KIAA1755: variants seen among roughly 807,000 people sequenced by gnomAD.
KIAA1755 encodes the protein uncharacterized protein KIAA1755.
In KIAA1755, 68 loss-of-function variants were observed where a neutral mutation model predicts 91.7. The ratio of observed to expected loss-of-function variants is 0.74; its 90% CI spans 0.61 to 0.91. KIAA1755 has a LOEUF of 0.91. KIAA1755 is among the 40% of genes least tolerant of loss of function. The pLI, the probability that KIAA1755 is intolerant of heterozygous loss-of-function variation, is 0.00. For synonymous variants in KIAA1755, 610 were observed against 604.6 expected (o/e 1.01, Z -0.13); for missense variants, 1,535 against 1,494.4 (o/e 1.03, Z -0.45).
intron 5 of KIAA1755, among the ~76,000 whole-genome samples, chr20:38,228,901 C>T (rs1459525066): frequency 6.6e-6 from 1 of 152,206 alleles, no homozygotes; most frequent in African/African-American, 2.4e-5. Flanking sequence ...AGCCACATTG[C>T]ACTGAGCTTA....
At chr20:38,233,207 TGAA>T (rs1202181122) in intron 4 of KIAA1755, 3 of 152,336 alleles carry the variant, frequency 2.0e-5, no homozygotes, top group Admixed American at 6.5e-5. Context: ...TGATAGAATA[TGAA>T]GATTTGTAAT....
intron 1 of KIAA1755, among the ~76,000 whole-genome samples, chr20:38,250,398 T>G (rs2076225969): frequency 6.6e-6 from 1 of 152,056 alleles, no homozygotes; most frequent in Non-Finnish European, 1.5e-5. Flanking sequence ...GCGAATTCTC[T>G]GCACAGGACT....
Position 38,241,633 on chromosome 20 carries a change from C to T in KIAA1755, c.498G>A (p.Leu166=). ...DFEGNPLHNC[L]VASENGIAPV... ...GGGCAATCCCATTTTCTGATGCTAC[C>T]AAGCAGTTGTGTAGGGGATTTCCCT... Residue 166 remains leucine, a synonymous_variant, in exon 3 of 14, where the codon TTG becomes TTA. Coordinates refer to ENST00000279024, the MANE Select transcript of KIAA1755 (RefSeq NM_001029864.2). 1 of 1,614,244 alleles carries T rather than the reference C, an allele frequency of 6.2e-7. No individual in the cohort carries two copies. Among genetic ancestry groups the T allele is most frequent in the East Asian group, 2.2e-5 (1 of 44,892 alleles).
chr20:38,217,997 G>A, intron 12 of KIAA1755: 1 of 551,326 alleles, frequency 1.8e-6, no homozygotes. Flanking sequence ...CTAGGATGGG[G>A]CCCTGGAAAC....
intron 2 of KIAA1755, 22 bp from the exon 3 acceptor site, chr20:38,241,951 A>G: frequency 6.3e-7 from 1 of 1,596,128 alleles, no homozygotes. Context: ...AGGGGATGGC[A>G]TCAGAGAACC....
intron 4 of KIAA1755, among the ~76,000 whole-genome samples, chr20:38,232,428 C>T (rs1285098977): frequency 6.6e-6 from 1 of 151,826 alleles, no homozygotes; most frequent in Admixed American, 6.6e-5. Flanking sequence ...AGATCGACAC[C>T]ATCCTGGCTA....
At position 38,241,106 on chromosome 20, in the gene KIAA1755, C is replaced by T; in HGVS notation, c.1025G>A (p.Ser342Asn). Residue 342 changes from serine to asparagine, a missense_variant, in exon 3 of 14, where the codon AGC becomes AAC. Coordinates refer to ENST00000279024, the MANE Select transcript of KIAA1755 (RefSeq NM_001029864.2). ...CAAATTATAGGGCCTCTCCTCAGAGCTTTCTGGCTTTGTGCAAGCCCGATT... is the reference window on the plus strand; with the variant it reads ...CAAATTATAGGGCCTCTCCTCAGAGTTTTCTGGCTTTGTGCAAGCCCGATT... ...LGNRACTKPE[S>N]SEERPYNLGF... 6.2e-7 allele frequency: 1 copy of T among 1,614,132 alleles called. No individual in the cohort carries two copies. Among genetic ancestry groups the T allele is most frequent in the Non-Finnish European group, 8.5e-7 (1 of 1,179,998 alleles).
At chr20:38,245,624 C>T (rs1035529451) in intron 2 of KIAA1755, among the ~76,000 whole-genome samples, 1 of 152,220 alleles carries the variant, frequency 6.6e-6, no homozygotes, top group African/African-American at 2.4e-5. Flanking sequence ...GCAGTGCCCA[C>T]AATGTCAGGC....
At position 38,222,497 on chromosome 20, in the gene KIAA1755, G is replaced by C. The variant is rs1478648311; in HGVS notation, c.2369C>G (p.Ala790Gly). The C allele has an allele frequency of 6.2e-7, 1 of 1,613,632 alleles. No individual in the cohort carries two copies. The highest frequency in any genetic ancestry group is 1.1e-5 in the South Asian group (1 of 91,078). The change falls in exon 10 of 14, where the codon GCC becomes GGC. Residue 790 changes from alanine to glycine, a missense_variant. By Grantham distance (60) the Ala-to-Gly change is moderately conservative. Coordinates refer to ENST00000279024, the MANE Select transcript of KIAA1755 (RefSeq NM_001029864.2). ...GLQREGGATLARLQHDASRLD... is the reference protein window; with the variant it reads ...GLQREGGATLGRLQHDASRLD... ...CCTGCTGGCATCATGCTGCAGCCTG[G>C]CCAGGGTGGCTCCACCTTCCCGCTG...
At chr20:38,214,752 C>A (rs1041785959) in intron 13 of KIAA1755, among the ~76,000 whole-genome samples, 1 of 152,216 alleles carries the variant, frequency 6.6e-6, no homozygotes, top group Non-Finnish European at 1.5e-5. Context: ...TTCTGTCTGT[C>A]CCCGCTTCCC....
rs2075449023 is a variant in KIAA1755 at position 38,211,338 on chromosome 20, G to C, written c.*1704C>G. 6.6e-6 allele frequency: 1 copy of C among 152,308 alleles called. No individual in the cohort carries two copies. Among genetic ancestry groups the C allele is most frequent in the Non-Finnish European group, 1.5e-5 (1 of 68,124 alleles). 9.4% of individuals were successfully genotyped at this position (152,308 alleles called of 1,614,324 possible). A position where few individuals can be genotyped will look rare whatever the true frequency, so the allele number is the denominator to read the frequency against. ...ACCTGTGCCCCACAGCCTCTTTCTGGAGCCAGGAAAATTCAGAGCTAGGTG... is the reference window on the plus strand; with the variant it reads ...ACCTGTGCCCCACAGCCTCTTTCTGCAGCCAGGAAAATTCAGAGCTAGGTG... On this transcript the variant is annotated 3_prime_UTR_variant, in exon 14 of 14. Coordinates refer to ENST00000279024, the MANE Select transcript of KIAA1755 (RefSeq NM_001029864.2).
chr20:38,231,343 C>T lies in KIAA1755; in HGVS notation c.1748-18G>A. The T allele has an allele frequency of 6.3e-7, 1 of 1,598,124 alleles. No individual in the cohort carries two copies. The highest frequency in any genetic ancestry group is 8.5e-7 in the Non-Finnish European group (1 of 1,174,030). On this transcript the variant is annotated intron_variant, in intron 4 of 13. Coordinates refer to ENST00000279024, the MANE Select transcript of KIAA1755 (RefSeq NM_001029864.2). Reference sequence around the variant, plus strand: ...CCGGCCACCTGGAGGACAGAGGGCACACGTGAGCAGTGAGAACTTGTGGGG... The same window carrying T: ...CCGGCCACCTGGAGGACAGAGGGCATACGTGAGCAGTGAGAACTTGTGGGG...
intron 2 of KIAA1755, among the ~76,000 whole-genome samples, chr20:38,243,312 A>C (rs1383720095): frequency 6.6e-6 from 1 of 152,190 alleles, no homozygotes; most frequent in Non-Finnish European, 1.5e-5. Context: ...CATTTATATC[A>C]GTCATATTGT....
rs768984514 is a variant in KIAA1755, at chr20:38,213,121, C to T, written c.3524G>A (p.Gly1175Asp). ...RQSQVPRLTG[G>D]SFSSEGTDSQ... ...GTCTGTCCCCTCTGAGGAGAAGCTG[C>T]CCCCAGTGAGGCGAGGGACCTGGCT... The change falls in exon 14 of 14, where the codon GGC (glycine) becomes GAC (aspartate). Residue 1175 changes from glycine to aspartate, a missense_variant. By Grantham distance (94) the Gly-to-Asp change is moderately conservative. Transcript: ENST00000279024. 10 of 1,607,464 alleles carry T rather than the reference C, an allele frequency of 6.2e-6. No homozygotes were observed. In the South Asian group the frequency reaches 8.9e-5, roughly 14 times the overall value.
At position 38,218,266 on chromosome 20, in the gene KIAA1755, T is replaced by C. The variant is rs775784287; in HGVS notation, c.2657A>G (p.Glu886Gly). ...CACTGCAGCCTGGAGGAAGAAGTTCTCAAATTCTGCGTGGGCTTTCTCCAC... is the reference window on the plus strand; with the variant it reads ...CACTGCAGCCTGGAGGAAGAAGTTCCCAAATTCTGCGTGGGCTTTCTCCAC... ...ETVEKAHAEFENFFLQAAAQY... is the reference protein window; with the variant it reads ...ETVEKAHAEFGNFFLQAAAQY... The change falls in exon 12 of 14, where the codon GAG (glutamate) becomes GGG (glycine). Residue 886 changes from glutamate (E) to glycine (G), a missense_variant. Transcript: ENST00000279024. 2 of 1,614,224 alleles carry C rather than the reference T, an allele frequency of 1.2e-6. No homozygotes were observed. The highest frequency in any genetic ancestry group is 1.7e-6 in the Non-Finnish European group (2 of 1,180,042).
chr20:38,253,759 A>G (rs2076292050), intron 1 of KIAA1755, among the ~76,000 whole-genome samples: 1 of 152,246 alleles, frequency 6.6e-6, no homozygotes, highest in Non-Finnish European at 1.5e-5. Flanking sequence ...CAGCTTGTAT[A>G]GCTTTTATAA....
intron 11 of KIAA1755, 38 bp from the exon 12 acceptor site, chr20:38,218,404 C>G: frequency 1.2e-6 from 2 of 1,611,142 alleles, no homozygotes; most frequent in Non-Finnish European, 1.7e-6. Flanking sequence ...TGAGGGGCTG[C>G]TAGGAGACCT....
rs969539234 is a variant in KIAA1755 at position 38,217,309 on chromosome 20, C to T, written c.2845G>A (p.Glu949Lys). ...GTCTCGAGGTCCGTGCGTTGCCGCT[C>T]GGCCGCCATGTAAAAGTGGGTCAGC... ...AELTHFYMAA[E>K]RQRTDLETLL... The change falls in exon 13 of 14, where the codon GAG (glutamate) becomes AAG (lysine). Residue 949 changes from glutamate to lysine, a missense_variant. Transcript: ENST00000279024. 12 of 1,609,422 alleles carry T rather than the reference C, an allele frequency of 7.5e-6. No homozygotes were observed. Among genetic ancestry groups the T allele is most frequent in the East Asian group, 2.2e-5 (1 of 44,730 alleles).
In KIAA1755 at chr20:38,240,195, C is replaced by T. The variant is rs6127519; in HGVS notation, c.1549+387G>A. Among the ~76,000 whole-genome samples, 940 of 152,174 alleles carry T rather than the reference C, an allele frequency of 6.2e-3. 12 individuals are homozygous for T. The highest frequency in any genetic ancestry group is 0.061 in the East Asian group (317 of 5,172). ...ACCCAAATTCTCCCGCTTCAGCCAC[C>T]AAAGCACTGGGATTACAGGATAAGC... On this transcript the variant is annotated intron_variant, in intron 3 of 13. Coordinates refer to ENST00000279024, the MANE Select transcript of KIAA1755 (RefSeq NM_001029864.2).
Sources: allele counts gnomAD v4.1 joint callset (sites outside exome capture counted in the v4.1 genomes callset), GRCh38; gene constraint gnomAD v4.1.1; transcripts MANE v1.5; gene names NCBI Gene and HGNC (gene_info 2026-07-23, HGNC 2026-07-21).